The following TMEM117 variants were observed in gnomAD, a reference collection of about 807,000 sequenced individuals.
The protein encoded by TMEM117 is transmembrane protein 117.
TMEM117 carries 27 observed loss-of-function variants against 52.4 expected under a neutral mutation model. The ratio of observed to expected loss-of-function variants is 0.51; its 90% CI spans 0.38 to 0.71. The LOEUF (loss-of-function observed/expected upper bound fraction) is 0.71. Ranked by LOEUF, TMEM117 falls within the 30% of genes least tolerant of loss-of-function variation. The probability of loss-of-function intolerance (pLI) is 0.00; values close to 1 mark genes in which losing one functional copy is unlikely to be tolerated. For synonymous variants in TMEM117, 215 were observed against 206.3 expected (o/e 1.04, Z -0.36); for missense variants, 556 against 630.5 (o/e 0.88, Z 1.26).
intron 3 of TMEM117, among the ~76,000 whole-genome samples, chr12:44,006,212 CG>C (rs1440651318): frequency 6.6e-6 from 1 of 152,106 alleles, no homozygotes; most frequent in African/African-American, 2.4e-5. Flanking sequence ...AAACAGATAC[CG>C]GGGTGAGGAC....
intron 3 of TMEM117, among the ~76,000 whole-genome samples, chr12:44,125,919 G>C (rs1948317023): frequency 6.6e-6 from 1 of 152,146 alleles, no homozygotes; most frequent in South Asian, 2.1e-4. Flanking sequence ...TTGTAGCTTT[G>C]TTCTCATTAG....
chr12:44,013,606 G>A (rs1157924385), intron 3 of TMEM117, among the ~76,000 whole-genome samples: 1 of 152,094 alleles, frequency 6.6e-6, no homozygotes, highest in Non-Finnish European at 1.5e-5. Flanking sequence ...GATAGTCGCT[G>A]TGAGGGCCTG....
At chr12:43,798,723 C>T in the TMEM117 span, 4 of 978,436 alleles carry the variant, frequency 4.1e-6, no homozygotes, top group Non-Finnish European at 5.8e-6. Flanking sequence ...GATATTCAAC[C>T]ATTCTCCAGA....
At chr12:44,039,563 A>T (rs1417869367) in intron 3 of TMEM117, among the ~76,000 whole-genome samples, 4 of 151,972 alleles carry the variant, frequency 2.6e-5, no homozygotes, top group South Asian at 4.1e-4. Flanking sequence ...GTATAGATAA[A>T]TTTGTGATAA....
the TMEM117 span, among the ~76,000 whole-genome samples, chr12:43,801,972 G>A: frequency 6.6e-6 from 1 of 152,218 alleles, no homozygotes; most frequent in Non-Finnish European, 1.5e-5. Context: ...AGAGGTTGCA[G>A]TGAGCCGAAA....
intron 5 of TMEM117, among the ~76,000 whole-genome samples, chr12:44,258,494 A>G (rs1483812545): frequency 6.6e-6 from 1 of 152,120 alleles, no homozygotes; most frequent in Non-Finnish European, 1.5e-5. Context: ...ACATTAAAGC[A>G]TCACCAGGAA....
At chr12:44,285,627 T>C (rs1950629330) in intron 5 of TMEM117, among the ~76,000 whole-genome samples, 1 of 152,226 alleles carries the variant, frequency 6.6e-6, no homozygotes, top group Non-Finnish European at 1.5e-5. Flanking sequence ...AGAGCAACGT[T>C]GACCTCATCA....
At chr12:43,987,551 G>GTT (rs753465021) in intron 3 of TMEM117, among the ~76,000 whole-genome samples, 2 of 143,268 alleles carry the variant, frequency 1.4e-5, no homozygotes, top group Non-Finnish European at 1.5e-5. Flanking sequence ...CTTTTAGTTA[G>GTT]TTTTTTTTTT....
chr12:43,940,110 A>T (rs928617683), intron 2 of TMEM117, among the ~76,000 whole-genome samples: 48 of 152,202 alleles, frequency 3.2e-4, no homozygotes, highest in African/African-American at 1.1e-3. Flanking sequence ...ATGACCCTTG[A>T]TACCTTGGCC....
intron 4 of TMEM117, among the ~76,000 whole-genome samples, chr12:44,145,990 A>G (rs1948637144): frequency 2.0e-5 from 3 of 152,234 alleles, no homozygotes; most frequent in South Asian, 4.2e-4. Context: ...TTTCTGTACC[A>G]TATACAGCTC....
At chr12:43,883,881 A>G (rs918970764) in intron 2 of TMEM117, among the ~76,000 whole-genome samples, 1 of 152,164 alleles carries the variant, frequency 6.6e-6, no homozygotes, top group Non-Finnish European at 1.5e-5. Flanking sequence ...TCATGCCTAT[A>G]ATCTCAACAC....
the TMEM117 span, among the ~76,000 whole-genome samples, chr12:43,807,896 A>T: frequency 6.6e-6 from 1 of 152,246 alleles, no homozygotes; most frequent in Non-Finnish European, 1.5e-5. Context: ...AACATTTGCC[A>T]GAGCTGTCAT....
chr12:44,048,708 G>A (rs1946918778), intron 3 of TMEM117, among the ~76,000 whole-genome samples: 1 of 152,186 alleles, frequency 6.6e-6, no homozygotes, highest in African/African-American at 2.4e-5. Flanking sequence ...AGTATTTTTA[G>A]CGTGATAGAG....
At position 44,220,554 on chromosome 12, in the gene TMEM117, A is replaced by G. The variant is rs575771731; in HGVS notation, c.608+9167A>G. On this transcript the variant is annotated intron_variant, in intron 5 of 7. Transcript: ENST00000266534. The stretch of plus-strand genomic sequence containing the variant: ...TATAGCTCACTCTATCTGCTGAGAG[A>G]GCTTAGATAGAATAATACCTCAGTG... 8.5e-5 allele frequency among the ~76,000 whole-genome samples: 13 copies of G among 152,228 alleles called. No individual in the cohort carries two copies. In the East Asian group the frequency reaches 2.3e-3, roughly 27 times the overall value.
chr12:44,150,508 A>G (rs548376240), intron 4 of TMEM117, among the ~76,000 whole-genome samples: 3 of 152,266 alleles, frequency 2.0e-5, no homozygotes, highest in African/African-American at 7.2e-5. Context: ...AGTGGCACCC[A>G]CACTTGCCAA....
intron 3 of TMEM117, among the ~76,000 whole-genome samples, chr12:43,985,501 C>T (rs1945833808): frequency 6.6e-6 from 1 of 152,072 alleles, no homozygotes; most frequent in South Asian, 2.1e-4. Flanking sequence ...AAGAGCATAA[C>T]TTTTTACATA....
Position 44,261,792 on chromosome 12 carries a change from G to A in TMEM117, c.609-37788G>A, listed in dbSNP as rs569652090. On this transcript the variant is annotated intron_variant, in intron 5 of 7. Coordinates refer to ENST00000266534, the MANE Select transcript of TMEM117 (RefSeq NM_032256.3). Reference sequence around the variant, plus strand: ...CTTCACATGCGCAGCATTTTGGATGGTGTTTGGAACAAAGCATTGGAGTGA... The same window carrying A: ...CTTCACATGCGCAGCATTTTGGATGATGTTTGGAACAAAGCATTGGAGTGA... Among the ~76,000 whole-genome samples, 3 of 152,292 alleles carry A rather than the reference G, an allele frequency of 2.0e-5. No individual in the cohort carries two copies. The South Asian group carries it at 6.2e-4, about 32-fold the overall frequency.
At chr12:43,900,342 C>A (rs1192039357) in intron 2 of TMEM117, among the ~76,000 whole-genome samples, 1 of 152,030 alleles carries the variant, frequency 6.6e-6, no homozygotes, top group Non-Finnish European at 1.5e-5. Flanking sequence ...TGGAAAATTA[C>A]CCATTAATTT....
At chr12:44,054,214 G>T (rs1165000175) in intron 3 of TMEM117, among the ~76,000 whole-genome samples, 3 of 152,128 alleles carry the variant, frequency 2.0e-5, no homozygotes, top group African/African-American at 4.8e-5. Context: ...ATTTTGGAAG[G>T]TTTGTACTTA....
Sources: allele counts gnomAD v4.1 joint callset (sites outside exome capture counted in the v4.1 genomes callset), GRCh38; gene constraint gnomAD v4.1.1; transcripts MANE v1.5; gene names NCBI Gene and HGNC (gene_info 2026-07-23, HGNC 2026-07-21).